Variants in STON1 observed in about 807,000 individuals in gnomAD.
The protein encoded by STON1 is stonin 1, also known as stonin-1.
A neutral mutation model predicts 60.9 loss-of-function variants in STON1; 79 were observed. That is an observed-to-expected ratio of 1.30 (90% CI 1.08 to 1.56). STON1 has a LOEUF of 1.56. Among genes scored for constraint, STON1 ranks in the 40% most tolerant of loss-of-function variants. The pLI is 0.00. For missense variants in STON1, 1,166 were observed against 858.9 expected, an observed-to-expected ratio of 1.36 and a Z score of -4.47; for synonymous variants, 363 against 306.9, an observed-to-expected ratio of 1.18 and a Z score of -1.91.
At chr2:48,579,522 T>A (rs1222436946) in intron 1 of STON1, among the ~76,000 whole-genome samples, 1 of 152,230 alleles carries the variant, frequency 6.6e-6, no homozygotes, top group Non-Finnish European at 1.5e-5. Context: ...TATTTGTGAA[T>A]TTTTTAGTTT....
chr2:48,531,387 T>C (rs549644718), intron 1 of STON1: 1 of 152,330 alleles, frequency 6.6e-6, no homozygotes, highest in African/African-American at 2.4e-5. Context: ...GCCCTACTTA[T>C]TTTAATCCTG....
rs550343609 is a variant in STON1, at chr2:48,557,819, A to G, written c.-47-22768A>G. 2.2e-4 allele frequency among the ~76,000 whole-genome samples: 33 copies of G among 152,238 alleles called. 1 individual carries two copies. Among genetic ancestry groups the G allele is most frequent in the Non-Finnish European group, 3.7e-4 (25 of 68,040 alleles). ...TTGCAAGCACTCCCCATAGACTTGG[A>G]GACTTAAATATTATTTTTTGTGTGC... On this transcript the variant is annotated intron_variant, in intron 1 of 3. Transcript: ENST00000404752.
At chr2:48,589,124 G>A (rs371164407) in intron 2 of STON1, among the ~76,000 whole-genome samples, 1 of 152,066 alleles carries the variant, frequency 6.6e-6, no homozygotes, top group Admixed American at 6.5e-5. Flanking sequence ...CCAATTTTTC[G>A]ACTTTTCTCT....
chr2:48,561,368 G>A (rs1277521185), intron 1 of STON1, among the ~76,000 whole-genome samples: 1 of 152,134 alleles, frequency 6.6e-6, no homozygotes, highest in African/African-American at 2.4e-5. Context: ...TCTCCCTTCC[G>A]ATTTCCATCT....
At chr2:48,565,045 CTTTTTTTTT>C (rs35791710) in intron 1 of STON1, among the ~76,000 whole-genome samples, 3 of 86,502 alleles carry the variant, frequency 3.5e-5, no homozygotes, top group Admixed American at 3.0e-4. Context: ...CCGGCTTCTT[CTTTTTTTTT>C]TTTTTTTTTT....
At chr2:48,575,755 G>GTTTTTTTTTTTTTTTTTTTTTTTTTTT (rs199808169) in intron 1 of STON1, among the ~76,000 whole-genome samples, 1 of 109,736 alleles carries the variant, frequency 9.1e-6, no homozygotes, top group Non-Finnish European at 1.8e-5. Flanking sequence ...TTTAGTTTTT[G>GTTTTTTTTTTTTTTTTTTTTTTTTTTT]TTTGTTTTTT....
chr2:48,591,547 C>A, intron 2 of STON1, 106 bp from the exon 3 acceptor site: 1 of 1,458,848 alleles, frequency 6.9e-7, no homozygotes, highest in Non-Finnish European at 9.3e-7. Flanking sequence ...TGCTGCAGTG[C>A]TAATGAAATT....
intron 1 of STON1, among the ~76,000 whole-genome samples, chr2:48,536,219 T>C (rs1039154750): frequency 3.9e-5 from 6 of 152,216 alleles, no homozygotes; most frequent in Middle Eastern, 3.4e-3. Flanking sequence ...TGATAGTATC[T>C]ATTACAAAGA....
rs767093417 is a variant in STON1, at chr2:48,580,781, T to C, written c.148T>C (p.Phe50Leu). Residue 50 changes from phenylalanine (F) to leucine (L), a missense_variant, in exon 2 of 4, where the codon TTT (phenylalanine) becomes CTT (leucine). Coordinates refer to ENST00000404752, the MANE Select transcript of STON1 (RefSeq NM_006873.4). ...LKLNLPGLRE[F>L]PSGSSSTSST... is the part of the protein sequence containing the mutation. ...GCTGAACCTTCCTGGCCTCAGGGAATTTCCCAGTGGATCTTCCTCCACCAG... is the reference window on the plus strand; with the variant it reads ...GCTGAACCTTCCTGGCCTCAGGGAACTTCCCAGTGGATCTTCCTCCACCAG... The C allele has an allele frequency of 1.3e-6, 2 of 1,557,786 alleles. No individual in the cohort carries two copies. Among genetic ancestry groups the C allele is most frequent in the East Asian group, 4.7e-5 (2 of 42,898 alleles).
At position 48,581,427 on chromosome 2, in the gene STON1, A is replaced by C. The variant is rs749572828; in HGVS notation, c.794A>C (p.His265Pro). Residue 265 changes from histidine (H) to proline (P), a missense_variant, in exon 2 of 4, where the codon CAC becomes CCC. Physicochemically the swap from His to Pro is moderately conservative, Grantham distance 77. Coordinates refer to ENST00000404752, the MANE Select transcript of STON1 (RefSeq NM_006873.4). The stretch of plus-strand genomic sequence containing the variant: ...GAAAATGCCTCTTCCTTTGTCCCCC[A>C]CACACTCTTCAGGAGTCAGCCAAAA... ...AEENASSFVPHTLFRSQPKSG... is the reference protein window; with the variant it reads ...AEENASSFVPPTLFRSQPKSG... 6 of 1,613,646 alleles carry C rather than the reference A, an allele frequency of 3.7e-6. No individual in the cohort carries two copies. In the African/African-American group the frequency reaches 8.0e-5, roughly 22 times the overall value.
At chr2:48,577,781 A>AT (rs767772709) in intron 1 of STON1, among the ~76,000 whole-genome samples, 35 of 150,700 alleles carry the variant, frequency 2.3e-4, no homozygotes, top group Non-Finnish European at 4.7e-4. Flanking sequence ...ACTCCCGGCT[A>AT]TTTTTTATAT....
At chr2:48,550,368 G>C (rs1672047092) in intron 1 of STON1, among the ~76,000 whole-genome samples, 1 of 151,240 alleles carries the variant, frequency 6.6e-6, no homozygotes, top group African/African-American at 2.4e-5. Flanking sequence ...ATGGTGGTGC[G>C]TGCCTGTAAT....
intron 1 of STON1, among the ~76,000 whole-genome samples, chr2:48,558,197 C>T (rs1341357257): frequency 6.6e-6 from 1 of 152,174 alleles, no homozygotes. Context: ...CACTTCTAGC[C>T]TGGGCGAAGA....
intron 1 of STON1, among the ~76,000 whole-genome samples, chr2:48,557,781 G>A (rs1672443977): frequency 6.6e-6 from 1 of 152,192 alleles, no homozygotes; most frequent in Admixed American, 6.5e-5. Context: ...ATTCAATAAA[G>A]TTCACAAGTA....
At chr2:48,564,000 C>A (rs1672721754) in intron 1 of STON1, among the ~76,000 whole-genome samples, 1 of 152,054 alleles carries the variant, frequency 6.6e-6, no homozygotes, top group African/African-American at 2.4e-5. Context: ...CGCCTGCCCT[C>A]CACGTGGGTT....
At chr2:48,550,154 A>G (rs1351534508) in intron 1 of STON1, among the ~76,000 whole-genome samples, 1 of 152,108 alleles carries the variant, frequency 6.6e-6, no homozygotes, top group Non-Finnish European at 1.5e-5. Flanking sequence ...TTATTCAGTC[A>G]TTTATTCAGC....
rs573470625 is a variant in STON1 at position 48,583,325 on chromosome 2, G to A, written c.1930+762G>A. Among the ~76,000 whole-genome samples the A allele has an allele frequency of 5.9e-5, 9 of 152,276 alleles. No homozygotes were observed. In the South Asian group the frequency reaches 1.9e-3, roughly 32 times the overall value. On this transcript the variant is annotated intron_variant, in intron 2 of 3. Transcript: ENST00000404752. ...GCTGCTCTTGAATTCCTGGGCTCAA[G>A]GGATCCTCCCACATTGGCCTCCCAA...
chr2:48,572,393 A>C (rs1673258289), intron 1 of STON1, among the ~76,000 whole-genome samples: 1 of 152,164 alleles, frequency 6.6e-6, no homozygotes, highest in Non-Finnish European at 1.5e-5. Flanking sequence ...CCTATGGAAG[A>C]GTCCTGGACG....
chr2:48,584,270 ATAT>A (rs959862101), intron 2 of STON1, among the ~76,000 whole-genome samples: 5 of 151,582 alleles, frequency 3.3e-5, no homozygotes, highest in Non-Finnish European at 5.9e-5. Flanking sequence ...AAACCTGGCT[ATAT>A]TATTATTATT....
Sources: gnomAD v4.1 joint callset for allele counts (sites outside exome capture counted in the v4.1 genomes callset) on GRCh38, gnomAD v4.1.1 for gene constraint, MANE v1.5 for transcripts, NCBI Gene and HGNC (gene_info 2026-07-23, HGNC 2026-07-21) for gene names.